Variants in NPHP4 observed in about 807,000 individuals in gnomAD.
NPHP4 encodes nephrocystin-4.
Under a neutral mutation model 155.8 loss-of-function variants are expected in NPHP4, and 151 were observed. The ratio of observed to expected loss-of-function variants is 0.97; its 90% confidence interval spans 0.85 to 1.11. NPHP4 has a LOEUF of 1.11. Among genes scored for constraint, NPHP4 ranks in the 50% least tolerant of loss-of-function variants. The pLI, the probability that NPHP4 is intolerant of heterozygous loss-of-function variation, is 0.00. For missense variants in NPHP4, 1,956 were observed against 1,925.7 expected (o/e 1.02, Z -0.29); for synonymous variants, 845 against 816.8 (o/e 1.03, Z -0.59).
intron 11 of NPHP4, among the ~76,000 whole-genome samples, chr1:5,917,452 G>C (rs987502337): frequency 6.6e-6 from 1 of 152,136 alleles, no homozygotes; most frequent in African/African-American, 2.4e-5. Flanking sequence ...CGAACAGATG[G>C]AGTCTTAATG....
chr1:5,973,240 G>A (rs919034452), intron 3 of NPHP4, among the ~76,000 whole-genome samples: 1 of 152,224 alleles, frequency 6.6e-6, no homozygotes, highest in Admixed American at 6.5e-5. Flanking sequence ...TAAAGCACTT[G>A]TCTGAAGTCC....
At chr1:5,888,687 G>A (rs1021945212) in intron 17 of NPHP4, 23 of 1,132,970 alleles carry the variant, frequency 2.0e-5, no homozygotes, top group South Asian at 2.6e-5. Context: ...TGAAAACAAG[G>A]CACCATTTTC....
chr1:5,947,803 T>A (rs1490056926), intron 8 of NPHP4, among the ~76,000 whole-genome samples: 2 of 151,860 alleles, frequency 1.3e-5, no homozygotes, highest in African/African-American at 4.8e-5. Context: ...ATGCAAGGCC[T>A]CCGTAGACCC....
intron 11 of NPHP4, among the ~76,000 whole-genome samples, chr1:5,921,654 C>T (rs1184565276): frequency 2.0e-5 from 3 of 152,236 alleles, no homozygotes; most frequent in African/African-American, 4.8e-5. Flanking sequence ...ATGACGACAG[C>T]GTTAGCGATC....
intron 13 of NPHP4, among the ~76,000 whole-genome samples, chr1:5,906,370 G>A (rs866641097): frequency 1.3e-5 from 2 of 152,350 alleles, no homozygotes; most frequent in Middle Eastern, 6.8e-3. Context: ...AGTTGGGAAT[G>A]TGCTCTCTCA....
At chr1:5,873,374 C>A (rs768318827) in intron 22 of NPHP4, 39 bp from the exon 23 acceptor site, 3 of 1,533,418 alleles carry the variant, frequency 2.0e-6, no homozygotes, top group African/African-American at 2.7e-5. Context: ...CAGGAAGCAA[C>A]ACCATTAGGC....
At chr1:5,963,038 A>G (rs886847040) in intron 5 of NPHP4, among the ~76,000 whole-genome samples, 4 of 152,122 alleles carry the variant, frequency 2.6e-5, no homozygotes, top group Non-Finnish European at 5.9e-5. Context: ...GCTGAGAGTC[A>G]CAAGTTCAGC....
chr1:5,940,927 T>A (rs1646783795), intron 9 of NPHP4, among the ~76,000 whole-genome samples: 1 of 152,170 alleles, frequency 6.6e-6, no homozygotes, highest in Non-Finnish European at 1.5e-5. Context: ...CAATCAGCAT[T>A]TTTTGGAGCT....
At chr1:5,914,610 G>A (rs1017134194) in intron 11 of NPHP4, among the ~76,000 whole-genome samples, 30 of 152,316 alleles carry the variant, frequency 2.0e-4, no homozygotes, top group Non-Finnish European at 3.8e-4. Context: ...GGAAAGGAAG[G>A]ACATGTTTTC....
chr1:5,976,292 G>A lies in NPHP4; in HGVS notation c.279+1978C>T, dbSNP rs139717316. Among the ~76,000 whole-genome samples, 818 of 152,258 alleles carry A rather than the reference G, an allele frequency of 5.4e-3. 4 individuals carry two copies. The highest frequency in any genetic ancestry group is 9.2e-3 in the Non-Finnish European group (629 of 68,024). On this transcript the variant is annotated intron_variant, in intron 3 of 29. Transcript: ENST00000378156. The stretch of plus-strand genomic sequence containing the variant: ...CACAGGATACTGACCTCCACAGGAG[G>A]ATGACAGGCATGAAATGACGGCATG...
intron 3 of NPHP4, among the ~76,000 whole-genome samples, chr1:5,971,713 C>A (rs1197296564): frequency 6.6e-6 from 1 of 152,222 alleles, no homozygotes; most frequent in Non-Finnish European, 1.5e-5. Context: ...GTACACACAT[C>A]CTTCAGTCTA....
At chr1:5,989,886 G>A (rs1655985834) in intron 1 of NPHP4, among the ~76,000 whole-genome samples, 2 of 152,204 alleles carry the variant, frequency 1.3e-5, no homozygotes, top group Admixed American at 1.3e-4. Flanking sequence ...GCCCCCTGCT[G>A]TACTAGGAGG....
chr1:5,978,479 G>A, intron 2 of NPHP4, 66 bp from the exon 3 acceptor site: 6 of 1,505,232 alleles, frequency 4.0e-6, no homozygotes, highest in South Asian at 2.4e-5. Context: ...TCACTGGCAG[G>A]CCATGTGGGT....
intron 7 of NPHP4, among the ~76,000 whole-genome samples, chr1:5,948,677 T>C (rs1476909337): frequency 1.4e-5 from 2 of 147,018 alleles, no homozygotes; most frequent in Non-Finnish European, 3.0e-5. Flanking sequence ...CCCCCTTCCC[T>C]GGGGCCCAAT....
intron 3 of NPHP4, among the ~76,000 whole-genome samples, chr1:5,975,205 T>C (rs568961220): frequency 1.3e-5 from 2 of 152,130 alleles, no homozygotes; most frequent in Non-Finnish European, 2.9e-5. Flanking sequence ...TGCACACATG[T>C]TTGCACACAC....
At chr1:5,979,618 G>A (rs1380253226) in intron 2 of NPHP4, among the ~76,000 whole-genome samples, 1 of 152,124 alleles carries the variant, frequency 6.6e-6, no homozygotes, top group Non-Finnish European at 1.5e-5. Context: ...CACCTCCCAG[G>A]CTCAAGCAAT....
chr1:5,950,692 C>G (rs973664284), intron 7 of NPHP4, among the ~76,000 whole-genome samples: 7 of 152,154 alleles, frequency 4.6e-5, no homozygotes, highest in Non-Finnish European at 1.0e-4. Flanking sequence ...GCCACAGGAG[C>G]CACGCCACCC....
rs1026278274 is a variant in NPHP4 at position 5,886,147 on chromosome 1, C to T, written c.2485+1139G>A. On this transcript the variant is annotated intron_variant, in intron 18 of 29. Transcript: ENST00000378156. ...ACCAACTCGGTCTCAGAGCAGAACG[C>T]TTCTTGCAACTCCCTTAGTTGCATG... Among the ~76,000 whole-genome samples the T allele has an allele frequency of 5.9e-5, 9 of 152,368 alleles. No homozygotes were observed. The East Asian group carries it at 1.2e-3, about 20-fold the overall frequency.
At chr1:5,919,751 T>C (rs1346467997) in intron 11 of NPHP4, among the ~76,000 whole-genome samples, 1 of 152,056 alleles carries the variant, frequency 6.6e-6, no homozygotes, top group East Asian at 1.9e-4. Flanking sequence ...TTTTGTTTTT[T>C]TTTTTAGAGG....
Sources: allele counts gnomAD v4.1 joint callset (sites outside exome capture counted in the v4.1 genomes callset), GRCh38; gene constraint gnomAD v4.1.1; transcripts MANE v1.5; gene names NCBI Gene and HGNC (gene_info 2026-07-23, HGNC 2026-07-21).